The following GMDS variants were observed in gnomAD, a reference collection of about 807,000 sequenced individuals.
GMDS encodes the protein GDP-mannose 4,6-dehydratase, also known as GDP-mannose 4,6 dehydratase.
A neutral mutation model predicts 49.9 loss-of-function variants in GMDS; 20 were observed. The ratio of observed to expected loss-of-function variants is 0.40; its 90% CI spans 0.28 to 0.58. GMDS has a LOEUF of 0.58. Among genes scored for constraint, GMDS ranks in the 20% least tolerant of loss-of-function variants. The pLI, the probability that GMDS is intolerant of heterozygous loss-of-function variation, is 0.42. For synonymous variants in GMDS, 177 were observed against 178.6 expected (o/e 0.99, Z 0.07); for missense variants, 362 against 481.4 (o/e 0.75, Z 2.32).
At chr6:1,856,700 T>C (rs1757950731) in intron 7 of GMDS, among the ~76,000 whole-genome samples, 1 of 152,252 alleles carries the variant, frequency 6.6e-6, no homozygotes, top group African/African-American at 2.4e-5. Flanking sequence ...GGCTCCACCC[T>C]AGACCCAGCA....
intron 1 of GMDS, among the ~76,000 whole-genome samples, chr6:2,154,862 GCAAAAA>G (rs1490106796): frequency 1.6e-3 from 55 of 33,832 alleles, no homozygotes; most frequent in African/African-American, 3.9e-3. Context: ...TTGAAGAGAT[GCAAAAA>G]AAAAAAAAAA....
intron 9 of GMDS, among the ~76,000 whole-genome samples, chr6:1,726,078 T>C (rs1766573771): frequency 6.6e-6 from 1 of 152,168 alleles, no homozygotes; most frequent in Non-Finnish European, 1.5e-5. Flanking sequence ...TGGGACAGCG[T>C]TGTTAAGTCA....
In GMDS at chr6:1,940,960, T is replaced by C. The variant is rs747931982; in HGVS notation, c.644-10730A>G. On this transcript the variant is annotated intron_variant, in intron 6 of 10. Coordinates refer to ENST00000380815, the MANE Select transcript of GMDS (RefSeq NM_001500.4). Reference sequence around the variant, plus strand: ...GTAGATGCCAGGAGCACCCCCTCAATTATGTTCACAGGTGTTGCCAACTTC... The same window carrying C: ...GTAGATGCCAGGAGCACCCCCTCAACTATGTTCACAGGTGTTGCCAACTTC... Among the ~76,000 whole-genome samples the C allele has an allele frequency of 2.4e-4, 36 of 152,162 alleles. 1 individual carries two copies. The highest frequency in any genetic ancestry group is 6.5e-5 in the Admixed American group (1 of 15,278).
intron 7 of GMDS, among the ~76,000 whole-genome samples, chr6:1,829,060 T>C (rs1191416928): frequency 1.3e-5 from 2 of 152,148 alleles, no homozygotes; most frequent in African/African-American, 4.8e-5. Flanking sequence ...GAAACATATA[T>C]TTGCTATTAA....
At chr6:2,177,365 A>T (rs767047441) in intron 1 of GMDS, among the ~76,000 whole-genome samples, 1 of 152,196 alleles carries the variant, frequency 6.6e-6, no homozygotes, top group African/African-American at 2.4e-5. Context: ...CGTCATCCTG[A>T]TATCAAAATT....
rs535978924 is a variant in GMDS at position 1,917,887 on chromosome 6, C to T, written c.771+12216G>A. Among the ~76,000 whole-genome samples, 19 of 152,276 alleles carry T rather than the reference C, an allele frequency of 1.2e-4. No homozygotes were observed. The East Asian group carries it at 2.5e-3, about 20-fold the overall frequency. On this transcript the variant is annotated intron_variant, in intron 7 of 10. Coordinates refer to ENST00000380815, the MANE Select transcript of GMDS (RefSeq NM_001500.4). Reference sequence around the variant, plus strand: ...GACGGACCCAAGAACAGGGATATGTCGTCTGAGCATGTGGGTGATGTGCGA... The same window carrying T: ...GACGGACCCAAGAACAGGGATATGTTGTCTGAGCATGTGGGTGATGTGCGA...
intron 7 of GMDS, among the ~76,000 whole-genome samples, chr6:1,884,321 T>G (rs1318958797): frequency 1.3e-5 from 2 of 152,204 alleles, no homozygotes; most frequent in African/African-American, 2.4e-5. Flanking sequence ...TTAACTCAAA[T>G]GATCACACTT....
intron 4 of GMDS, among the ~76,000 whole-genome samples, chr6:2,092,935 T>C (rs955303378): frequency 6.6e-5 from 10 of 152,332 alleles, no homozygotes; most frequent in African/African-American, 1.7e-4. Context: ...TAGGAGGTTG[T>C]CAAGAAATAT....
intron 9 of GMDS, among the ~76,000 whole-genome samples, chr6:1,631,004 T>C (rs1398109414): frequency 1.5e-4 from 23 of 152,226 alleles, no homozygotes. Flanking sequence ...TACTGGTTAC[T>C]GTTAATAACT....
At chr6:1,703,507 C>T (rs79649896) in intron 9 of GMDS, among the ~76,000 whole-genome samples, 5,748 of 152,152 alleles carry the variant, frequency 0.038, 140 homozygotes, top group South Asian at 0.14. Context: ...TTTTATACGG[C>T]TTTTTCTGTG....
intron 6 of GMDS, among the ~76,000 whole-genome samples, chr6:1,946,732 G>T (rs1318714132): frequency 6.6e-6 from 1 of 152,158 alleles, no homozygotes; most frequent in African/African-American, 2.4e-5. Flanking sequence ...TCAGCCCTTG[G>T]CTGCAGAAAA....
At chr6:1,999,359 C>A in intron 4 of GMDS, among the ~76,000 whole-genome samples, 1 of 147,340 alleles carries the variant, frequency 6.8e-6, no homozygotes, top group African/African-American at 2.5e-5. Context: ...AATGAATTAA[C>A]TGCAATTGTT....
At chr6:1,982,639 A>G (rs12198695) in intron 4 of GMDS, among the ~76,000 whole-genome samples, 59,785 of 151,940 alleles carry the variant, frequency 0.39, 11,860 homozygotes, top group Middle Eastern at 0.45. Flanking sequence ...GCCACAAAAA[A>G]AATAAAATAC....
intron 4 of GMDS, among the ~76,000 whole-genome samples, chr6:1,999,894 G>GATAT (rs1204561851): frequency 2.1e-5 from 2 of 97,344 alleles, no homozygotes; most frequent in African/African-American, 7.6e-5. Context: ...GAGACATAAC[G>GATAT]ATATATATAA....
At chr6:1,975,662 T>A (rs1280230593) in intron 4 of GMDS, among the ~76,000 whole-genome samples, 3 of 152,188 alleles carry the variant, frequency 2.0e-5, no homozygotes, top group African/African-American at 7.2e-5. Flanking sequence ...ACATTAGGAA[T>A]AGGAAACTGC....
chr6:1,990,956 T>C (rs1462098371), intron 4 of GMDS, among the ~76,000 whole-genome samples: 1 of 152,160 alleles, frequency 6.6e-6, no homozygotes, highest in African/African-American at 2.4e-5. Flanking sequence ...ATTATCAACT[T>C]GTGGATGTTA....
chr6:1,754,910 A>T (rs1462978233), intron 7 of GMDS, among the ~76,000 whole-genome samples: 1 of 152,254 alleles, frequency 6.6e-6, no homozygotes, highest in African/African-American at 2.4e-5. Flanking sequence ...ACAGCCATTT[A>T]TGACAAACCC....
At chr6:1,898,352 A>C (rs774160285) in intron 7 of GMDS, among the ~76,000 whole-genome samples, 2 of 152,252 alleles carry the variant, frequency 1.3e-5, no homozygotes, top group African/African-American at 2.4e-5. Context: ...GATACCTTAG[A>C]AACTGCCTAG....
intron 4 of GMDS, among the ~76,000 whole-genome samples, chr6:1,962,213 C>T (rs150668536): frequency 2.6e-5 from 4 of 152,264 alleles, no homozygotes; most frequent in East Asian, 3.9e-4. Flanking sequence ...AAAGAAACTC[C>T]GTACCTAGTA....
Sources: allele counts gnomAD v4.1 joint callset (sites outside exome capture counted in the v4.1 genomes callset), GRCh38; gene constraint gnomAD v4.1.1; transcripts MANE v1.5; gene names NCBI Gene and HGNC (gene_info 2026-07-23, HGNC 2026-07-21).